NCK2: variants seen among roughly 807,000 people sequenced by gnomAD.
NCK2 encodes cytoplasmic protein NCK2.
A neutral mutation model predicts 33.9 loss-of-function variants in NCK2; 16 were observed. The observed-to-expected ratio is 0.47, with a 90% confidence interval of 0.32 to 0.72. The LOEUF (loss-of-function observed/expected upper bound fraction) is 0.72, where lower values mean the gene tolerates loss of function less well. NCK2 is among the 30% of genes least tolerant of loss of function. NCK2 has a pLI of 0.03. For missense variants in NCK2, 418 were observed against 537.3 expected (o/e 0.78, Z 2.19); for synonymous variants, 273 against 239.9 (o/e 1.14, Z -1.27).
intron 1 of NCK2, among the ~76,000 whole-genome samples, chr2:105,781,982 C>G (rs751764931): frequency 2.0e-5 from 3 of 152,128 alleles, no homozygotes; most frequent in Non-Finnish European, 2.9e-5. Context: ...TGAGAATGTC[C>G]AAGTGAGTCC....
chr2:105,880,122 T>C (rs1029287085), intron 3 of NCK2, among the ~76,000 whole-genome samples: 3 of 152,238 alleles, frequency 2.0e-5, no homozygotes, highest in Non-Finnish European at 2.9e-5. Context: ...TCTAGCATTT[T>C]TCCTCATGCA....
At position 105,788,769 on chromosome 2, in the gene NCK2, T is replaced by C. The variant is rs188006771; in HGVS notation, c.-200-27661T>C. Among the ~76,000 whole-genome samples the C allele has an allele frequency of 2.2e-3, 328 of 152,304 alleles. 1 individual carries two copies. The highest frequency in any genetic ancestry group is 3.6e-3 in the Non-Finnish European group (244 of 68,036). On this transcript the variant is annotated intron_variant, in intron 1 of 4. Transcript: ENST00000233154. ...CCTTCATTCGTTTTCTTCATTCTTA[T>C]ATAGCTTAAATCAGTTACAAACAAG...
intron 3 of NCK2, 36 bp downstream of exon 3, chr2:105,855,325 C>T (rs553413459): frequency 1.4e-6 from 2 of 1,475,380 alleles, no homozygotes; most frequent in Admixed American, 2.0e-5. Context: ...AAGCCTTGTG[C>T]ATTTCAAGGG....
At chr2:105,763,735 G>A (rs1573563467) in intron 1 of NCK2, among the ~76,000 whole-genome samples, 1 of 152,190 alleles carries the variant, frequency 6.6e-6, no homozygotes, top group Non-Finnish European at 1.5e-5. Flanking sequence ...TTGACTTTCT[G>A]ATTCTCAGCC....
At position 105,767,133 on chromosome 2, in the gene NCK2, C is replaced by A. The variant is rs534225513; in HGVS notation, c.-201+21995C>A. Among the ~76,000 whole-genome samples the A allele has an allele frequency of 1.4e-4, 21 of 152,314 alleles. No homozygotes were observed. In the South Asian group the frequency reaches 2.1e-3, roughly 15 times the overall value. On this transcript the variant is annotated intron_variant, in intron 1 of 4. Transcript: ENST00000233154. ...CTCTCTGGAGCCAGGGAGGCTCCGA[C>A]CTGGAAGCCTGGACCCCCGTCTGTG...
intron 1 of NCK2, among the ~76,000 whole-genome samples, chr2:105,796,503 T>C (rs1691086403): frequency 6.6e-6 from 1 of 152,150 alleles, no homozygotes; most frequent in South Asian, 2.1e-4. Flanking sequence ...TGGGGTATTA[T>C]TGGCACCGGT....
chr2:105,864,494 C>T (rs1056466010), intron 3 of NCK2, among the ~76,000 whole-genome samples: 6 of 151,948 alleles, frequency 3.9e-5, no homozygotes, highest in South Asian at 2.1e-4. Flanking sequence ...AGCCACGGTG[C>T]GTAGTGGAGT....
intron 1 of NCK2, among the ~76,000 whole-genome samples, chr2:105,783,394 G>A (rs986171700): frequency 1.3e-5 from 2 of 152,138 alleles, no homozygotes; most frequent in African/African-American, 4.8e-5. Flanking sequence ...CCCGTGTTCT[G>A]GGGTAGCACC....
chr2:105,831,102 T>G (rs1459546014), intron 2 of NCK2, among the ~76,000 whole-genome samples: 1 of 152,218 alleles, frequency 6.6e-6, no homozygotes, highest in African/African-American at 2.4e-5. Context: ...TGTCTATGTT[T>G]GCTTTTGTTG....
intron 2 of NCK2, among the ~76,000 whole-genome samples, chr2:105,838,756 A>C (rs531599025): frequency 1.9e-3 from 296 of 152,276 alleles, no homozygotes; most frequent in African/African-American, 6.7e-3. Flanking sequence ...CTACTGATGG[A>C]GGCCGACCGT....
chr2:105,842,261 T>C (rs933495247), intron 2 of NCK2, among the ~76,000 whole-genome samples: 3 of 152,074 alleles, frequency 2.0e-5, no homozygotes, highest in African/African-American at 7.2e-5. Context: ...CTTTTTTGTA[T>C]TTTTAGTAGA....
intron 1 of NCK2, among the ~76,000 whole-genome samples, chr2:105,811,145 A>C (rs1439417140): frequency 7.0e-6 from 1 of 142,646 alleles, no homozygotes. Context: ...ACTGCACTCC[A>C]GCCTGGTGAC....
At chr2:105,771,013 C>T (rs1388512584) in intron 1 of NCK2, among the ~76,000 whole-genome samples, 1 of 152,074 alleles carries the variant, frequency 6.6e-6, no homozygotes, top group Non-Finnish European at 1.5e-5. Flanking sequence ...AGCTCTGCCT[C>T]CCGGGTTCAC....
At chr2:105,791,293 A>G (rs911604501) in intron 1 of NCK2, among the ~76,000 whole-genome samples, 1 of 152,218 alleles carries the variant, frequency 6.6e-6, no homozygotes, top group Non-Finnish European at 1.5e-5. Context: ...AGCCACACTG[A>G]TAAGAAACTG....
chr2:105,853,001 AT>A (rs1451691763), intron 2 of NCK2, among the ~76,000 whole-genome samples: 7 of 152,262 alleles, frequency 4.6e-5, no homozygotes, highest in South Asian at 2.1e-4. Flanking sequence ...TTATAAAAAA[AT>A]TTTTTTAGCA....
chr2:105,807,633 C>T (rs1481786815), intron 1 of NCK2, among the ~76,000 whole-genome samples: 1 of 152,068 alleles, frequency 6.6e-6, no homozygotes, highest in African/African-American at 2.4e-5. Context: ...CCTTGAGCCC[C>T]TGCGGAGGCT....
chr2:105,888,078 T>A (rs1320433325), intron 4 of NCK2, among the ~76,000 whole-genome samples: 1 of 152,162 alleles, frequency 6.6e-6, no homozygotes, highest in African/African-American at 2.4e-5. Context: ...CTTAGTTGTA[T>A]TCAAACACAG....
intron 1 of NCK2, among the ~76,000 whole-genome samples, chr2:105,752,142 A>G (rs1484775615): frequency 6.6e-6 from 1 of 152,146 alleles, no homozygotes; most frequent in African/African-American, 2.4e-5. Context: ...GCCACACGCG[A>G]CTAGTGGCAG....
At chr2:105,763,464 G>A (rs2104360076) in intron 1 of NCK2, among the ~76,000 whole-genome samples, 1 of 152,312 alleles carries the variant, frequency 6.6e-6, no homozygotes, top group Middle Eastern at 3.4e-3. Context: ...GTTCTCAAAA[G>A]AGAATATAGA....
Sources: gnomAD v4.1 joint callset for allele counts (sites outside exome capture counted in the v4.1 genomes callset) on GRCh38, gnomAD v4.1.1 for gene constraint, MANE v1.5 for transcripts, NCBI Gene and HGNC (gene_info 2026-07-23, HGNC 2026-07-21) for gene names.